CEP128: variants seen among roughly 807,000 people sequenced by gnomAD.
CEP128 encodes the protein centrosomal protein 128kDa.
Under a neutral mutation model 156.7 loss-of-function variants are expected in CEP128, and 132 were observed. The observed-to-expected ratio is 0.84, with a 90% CI of 0.73 to 0.97. The LOEUF (loss-of-function observed/expected upper bound fraction) is 0.97. Among genes scored for constraint, CEP128 ranks in the 50% least tolerant of loss-of-function variants. The pLI, the probability that CEP128 is intolerant of heterozygous loss-of-function variation, is 0.00. For synonymous variants in CEP128, 469 were observed against 448.9 expected (o/e 1.04, Z -0.57); for missense variants, 1,252 against 1,281.9 (o/e 0.98, Z 0.36).
At chr14:80,893,069 C>T (rs567221964) in intron 8 of CEP128, among the ~76,000 whole-genome samples, 1 of 152,012 alleles carries the variant, frequency 6.6e-6, no homozygotes, top group South Asian at 2.1e-4. Flanking sequence ...GATATGGAAA[C>T]AACCTAAGTG....
At chr14:80,760,422 T>C (rs996901176) in intron 17 of CEP128, among the ~76,000 whole-genome samples, 5 of 150,586 alleles carry the variant, frequency 3.3e-5, no homozygotes, top group African/African-American at 7.3e-5. Context: ...CAATTTAAGA[T>C]AGAAAAAAAG....
At chr14:80,557,693 G>A (rs1023550521) in intron 21 of CEP128, among the ~76,000 whole-genome samples, 2 of 151,942 alleles carry the variant, frequency 1.3e-5, no homozygotes, top group African/African-American at 4.8e-5. Flanking sequence ...TTATCCATAG[G>A]GTCTGGACAT....
At chr14:80,700,262 T>C (rs892042790) in intron 19 of CEP128, among the ~76,000 whole-genome samples, 2 of 152,100 alleles carry the variant, frequency 1.3e-5, no homozygotes, top group African/African-American at 4.8e-5. Flanking sequence ...CCCCAACCCC[T>C]ACTCTGTAAT....
In CEP128 at chr14:80,751,289, A is replaced by C. The variant is rs1372228608; in HGVS notation, c.2613+5603T>G. Among the ~76,000 whole-genome samples, 3 of 152,190 alleles carry C rather than the reference A, an allele frequency of 2.0e-5. No individual in the cohort carries two copies. The East Asian group carries it at 5.8e-4, about 29-fold the overall frequency. ...AACTATAGTTAGATTTTTTTTATGA[A>C]TTGAATTTGTATGCAGAATATATTA... On this transcript the variant is annotated intron_variant, in intron 18 of 24. Transcript: ENST00000555265.
chr14:80,480,055 T>C (rs1887020956), intron 14 of CEP128, among the ~76,000 whole-genome samples: 1 of 152,216 alleles, frequency 6.6e-6, no homozygotes, highest in Admixed American at 6.5e-5. Context: ...CCCTCCTGGC[T>C]GCTTTCATGG....
rs1191403906 is a variant in CEP128 at position 80,656,309 on chromosome 14, A to ATT, written c.2807-75887_2807-75886insAA. ...TATATATTTATATATATATATATAT[A>ATT]TATATATATATATATATATATATAT... On this transcript the variant is annotated intron_variant, in intron 19 of 24. Transcript: ENST00000555265. 7.5e-3 allele frequency among the ~76,000 whole-genome samples: 106 copies of ATT among 14,100 alleles called. 4 individuals carry two copies. The highest frequency in any genetic ancestry group is 0.029 in the African/African-American group (102 of 3,460). 9.3% of individuals were successfully genotyped at this position (14,100 alleles called of 152,430 possible). A position where few individuals can be genotyped will look rare whatever the true frequency, so the allele number is the denominator to read the frequency against.
intron 4 of CEP128, among the ~76,000 whole-genome samples, chr14:80,908,074 G>T (rs1883992239): frequency 6.6e-6 from 1 of 152,018 alleles, no homozygotes; most frequent in Admixed American, 6.6e-5. Flanking sequence ...GCTTCTTTTT[G>T]AAGGTAATCT....
At chr14:80,930,377 CTGCACTA>C (rs1438977281) in intron 2 of CEP128, among the ~76,000 whole-genome samples, 1 of 152,180 alleles carries the variant, frequency 6.6e-6, no homozygotes, top group Admixed American at 6.5e-5. Flanking sequence ...TACCTCTTTC[CTGCACTA>C]TGCACTTGTC....
chr14:80,821,258 C>T (rs1277124530), intron 13 of CEP128, among the ~76,000 whole-genome samples: 2 of 152,122 alleles, frequency 1.3e-5, no homozygotes, highest in African/African-American at 2.4e-5. Context: ...AAATGATATG[C>T]TATCAAGTTG....
intron 8 of CEP128, among the ~76,000 whole-genome samples, chr14:80,895,164 A>T (rs1322623500): frequency 6.6e-6 from 1 of 152,130 alleles, no homozygotes; most frequent in Non-Finnish European, 1.5e-5. Context: ...TTTAATAAAA[A>T]TAAATCACTG....
intron 19 of CEP128, among the ~76,000 whole-genome samples, chr14:80,615,635 A>C (rs1893177550): frequency 6.6e-6 from 1 of 152,158 alleles, no homozygotes; most frequent in Non-Finnish European, 1.5e-5. Context: ...GGATCACCTG[A>C]GGTCGGAGTT....
At chr14:80,798,809 C>T (rs954842661) in intron 13 of CEP128, among the ~76,000 whole-genome samples, 2 of 152,098 alleles carry the variant, frequency 1.3e-5, no homozygotes, top group Admixed American at 6.6e-5. Flanking sequence ...ATGGAATGAA[C>T]GTATAATATA....
intron 13 of CEP128, among the ~76,000 whole-genome samples, chr14:80,796,678 G>A (rs369490814): frequency 1.8e-4 from 27 of 152,130 alleles, no homozygotes; most frequent in Middle Eastern, 3.4e-3. Context: ...CCAGTATTAT[G>A]CATCATCCCA....
intron 24 of CEP128, among the ~76,000 whole-genome samples, chr14:80,502,633 C>G (rs1341167201): frequency 6.6e-6 from 1 of 151,948 alleles, no homozygotes; most frequent in East Asian, 1.9e-4. Flanking sequence ...GTCTGTGTCC[C>G]TTTTTCATAG....
intron 24 of CEP128, among the ~76,000 whole-genome samples, chr14:80,497,861 GTGTGCA>G (rs1887562976): frequency 6.6e-6 from 1 of 152,088 alleles, no homozygotes; most frequent in Admixed American, 6.6e-5. Context: ...AACCACACCG[GTGTGCA>G]CGTGCACACG....
rs151198716 is a variant in CEP128 at position 80,592,392 on chromosome 14, A to G, written c.2807-11969T>C. Among the ~76,000 whole-genome samples the G allele has an allele frequency of 9.0e-3, 1,372 of 152,324 alleles. 28 individuals carry two copies. The highest frequency in any genetic ancestry group is 0.027 in the African/African-American group (1,142 of 41,562). ...ATAAACACCTCTACACAAATAAACT[A>G]GAAAATCTACAAGAAATGGATAAAT... On this transcript the variant is annotated intron_variant, in intron 19 of 24. Transcript: ENST00000555265.
intron 19 of CEP128, among the ~76,000 whole-genome samples, chr14:80,623,642 A>G (rs1489837422): frequency 6.6e-6 from 1 of 152,022 alleles, no homozygotes; most frequent in Non-Finnish European, 1.5e-5. Context: ...AATAGGTCCA[A>G]TTACTATTCC....
chr14:80,531,184 CATATTA>C (rs1889209577), intron 21 of CEP128, among the ~76,000 whole-genome samples: 1 of 152,124 alleles, frequency 6.6e-6, no homozygotes, highest in Admixed American at 6.6e-5. Flanking sequence ...TAGACTATTT[CATATTA>C]ATATTAATTT....
intron 13 of CEP128, among the ~76,000 whole-genome samples, chr14:80,820,226 C>G (rs921786853): frequency 1.3e-5 from 2 of 152,066 alleles, no homozygotes; most frequent in African/African-American, 4.8e-5. Context: ...GTCTATATGC[C>G]TATTGACATT....
Sources: allele counts gnomAD v4.1 joint callset (sites outside exome capture counted in the v4.1 genomes callset), GRCh38; gene constraint gnomAD v4.1.1; transcripts MANE v1.5; gene names NCBI Gene and HGNC (gene_info 2026-07-23, HGNC 2026-07-21).